Variants in KCNB2 observed in about 807,000 individuals in gnomAD.
The protein encoded by KCNB2 is delayed rectifier potassium channel protein.
KCNB2 carries 15 observed loss-of-function variants against 61.5 expected under a neutral mutation model. The observed-to-expected ratio is 0.24, with a 90% CI of 0.16 to 0.38. The LOEUF (loss-of-function observed/expected upper bound fraction) is 0.38. Ranked by LOEUF, KCNB2 falls within the 10% of genes least tolerant of loss-of-function variation. The pLI is 1.00. For synonymous variants in KCNB2, 457 were observed against 446.0 expected (o/e 1.02, Z -0.31); for missense variants, 828 against 1,125.2 (o/e 0.74, Z 3.78).
chr8:72,769,850 G>T (rs985955606), intron 2 of KCNB2, among the ~76,000 whole-genome samples: 1 of 152,172 alleles, frequency 6.6e-6, no homozygotes, highest in Admixed American at 6.5e-5. Flanking sequence ...CACTGACCAA[G>T]AATCATAGAA....
At chr8:72,599,044 T>C (rs1358175387) in intron 2 of KCNB2, among the ~76,000 whole-genome samples, 1 of 152,186 alleles carries the variant, frequency 6.6e-6, no homozygotes, top group Non-Finnish European at 1.5e-5. Context: ...ATAGATTCAA[T>C]GCCGTCCCCA....
At chr8:72,757,753 A>G (rs553854728) in intron 2 of KCNB2, among the ~76,000 whole-genome samples, 20 of 152,324 alleles carry the variant, frequency 1.3e-4, no homozygotes, top group African/African-American at 4.8e-4. Context: ...GGTTGGCACA[A>G]TGGGGGCTGA....
intron 2 of KCNB2, among the ~76,000 whole-genome samples, chr8:72,737,849 C>T (rs187164698): frequency 1.3e-5 from 2 of 152,104 alleles, no homozygotes; most frequent in East Asian, 1.9e-4. Flanking sequence ...TTTTCAGATT[C>T]CCTAGTTTTG....
chr8:72,678,145 A>T (rs774604156), intron 2 of KCNB2, among the ~76,000 whole-genome samples: 1 of 152,208 alleles, frequency 6.6e-6, no homozygotes, highest in Non-Finnish European at 1.5e-5. Context: ...CATCGATTAT[A>T]TGAGAAAATA....
At chr8:72,824,656 A>G (rs1291848088) in intron 2 of KCNB2, among the ~76,000 whole-genome samples, 1 of 152,184 alleles carries the variant, frequency 6.6e-6, no homozygotes, top group East Asian at 1.9e-4. Context: ...AACCAAAGCA[A>G]TGAGTCCGCC....
chr8:72,892,996 T>C (rs1585957392), intron 2 of KCNB2, among the ~76,000 whole-genome samples: 2 of 152,264 alleles, frequency 1.3e-5, no homozygotes, highest in Admixed American at 1.3e-4. Flanking sequence ...GATTTTGTCC[T>C]GGACTACTGC....
At chr8:72,684,100 G>T (rs1806808522) in intron 2 of KCNB2, among the ~76,000 whole-genome samples, 1 of 152,136 alleles carries the variant, frequency 6.6e-6, no homozygotes, top group South Asian at 2.1e-4. Flanking sequence ...CCTAAAAACG[G>T]CATCCTTGGA....
At chr8:72,854,963 G>T (rs1005683563) in intron 2 of KCNB2, among the ~76,000 whole-genome samples, 5 of 152,168 alleles carry the variant, frequency 3.3e-5, no homozygotes, top group Admixed American at 6.5e-5. Flanking sequence ...TGTATTTTGT[G>T]TCTTCCACAT....
At chr8:72,683,031 T>C (rs1563558383) in intron 2 of KCNB2, among the ~76,000 whole-genome samples, 1 of 152,226 alleles carries the variant, frequency 6.6e-6, no homozygotes, top group Non-Finnish European at 1.5e-5. Flanking sequence ...ATATAATATG[T>C]TAAGTGGAGA....
chr8:72,670,353 T>C (rs1291241685), intron 2 of KCNB2, among the ~76,000 whole-genome samples: 1 of 152,232 alleles, frequency 6.6e-6, no homozygotes, highest in Non-Finnish European at 1.5e-5. Context: ...AATAGATTAA[T>C]TCTGATAGAA....
chr8:72,765,671 T>G (rs935387971), intron 2 of KCNB2, among the ~76,000 whole-genome samples: 2 of 152,206 alleles, frequency 1.3e-5, no homozygotes, highest in African/African-American at 4.8e-5. Context: ...TATCAAATAA[T>G]CAATATACTG....
intron 2 of KCNB2, among the ~76,000 whole-genome samples, chr8:72,738,149 A>G (rs1216525103): frequency 1.3e-5 from 2 of 152,142 alleles, no homozygotes; most frequent in Admixed American, 1.3e-4. Flanking sequence ...GCTCTGTTAT[A>G]TGTAAGAATT....
chr8:72,598,847 A>G (rs1222380043), intron 2 of KCNB2, among the ~76,000 whole-genome samples: 1 of 152,232 alleles, frequency 6.6e-6, no homozygotes, highest in African/African-American at 2.4e-5. Flanking sequence ...CCCATTCACA[A>G]TTGCTTCAAA....
In KCNB2 at chr8:72,937,450, A is replaced by G; in HGVS notation, c.2095A>G (p.Ser699Gly). Reference protein sequence around the residue: ...SPLQSDNATDSPKSSLKGSNP... With the variant: ...SPLQSDNATDGPKSSLKGSNP... Reference sequence around the variant, plus strand: ...TTTGCAGTCTGACAATGCCACCGACAGTCCTAAGAGCTCTCTAAAAGGCAG... The same window carrying G: ...TTTGCAGTCTGACAATGCCACCGACGGTCCTAAGAGCTCTCTAAAAGGCAG... The change falls in exon 3 of 3, where the codon AGT becomes GGT. Residue 699 changes from serine to glycine, a missense_variant. Ser to Gly is a moderately conservative substitution (Grantham distance 56). Around this residue, in one of 4 missense-constraint regions of KCNB2, gnomAD observed 559 missense variants for 588.4 expected, o/e 0.95. Coordinates refer to ENST00000523207, the MANE Select transcript of KCNB2 (RefSeq NM_004770.3). 1.2e-6 allele frequency: 2 copies of G among 1,614,000 alleles called. No individual in the cohort carries two copies. Among genetic ancestry groups the G allele is most frequent in the Non-Finnish European group, 1.7e-6 (2 of 1,179,984 alleles).
intron 2 of KCNB2, among the ~76,000 whole-genome samples, chr8:72,869,545 TAAAC>T (rs200289368): frequency 0.02 from 3,070 of 151,748 alleles, 108 homozygotes; most frequent in African/African-American, 0.07. Context: ...ACAAAAGAAT[TAAAC>T]AGACAGTTCT....
chr8:72,932,008 G>T (rs558651354), intron 2 of KCNB2, among the ~76,000 whole-genome samples: 1 of 130,432 alleles, frequency 7.7e-6, no homozygotes, highest in Non-Finnish European at 1.6e-5. Context: ...GCCAGACACT[G>T]TCTCAAAAAC....
chr8:72,562,444 T>C (rs1806552526), intron 1 of KCNB2, among the ~76,000 whole-genome samples: 1 of 152,208 alleles, frequency 6.6e-6, no homozygotes. Flanking sequence ...GTTTATTGTT[T>C]ACAGAGCTGC....
chr8:72,744,307 C>A (rs1808020837), intron 2 of KCNB2, among the ~76,000 whole-genome samples: 1 of 152,146 alleles, frequency 6.6e-6, no homozygotes, highest in Non-Finnish European at 1.5e-5. Flanking sequence ...GAGTATTGTG[C>A]ATTTCCTAAA....
Position 72,684,269 on chromosome 8 carries a change from T to C in KCNB2, c.579+115956T>C, listed in dbSNP as rs571415701. Among the ~76,000 whole-genome samples the C allele has an allele frequency of 6.6e-5, 10 of 152,348 alleles. No individual in the cohort carries two copies. The East Asian group carries it at 1.9e-3, about 29-fold the overall frequency. On this transcript the variant is annotated intron_variant, in intron 2 of 2. Transcript: ENST00000523207. Reference sequence around the variant, plus strand: ...AATAGAAGAAATACAAAATAAGGTGTACCGTATCTGATTCATTGATCTGAT... The same window carrying C: ...AATAGAAGAAATACAAAATAAGGTGCACCGTATCTGATTCATTGATCTGAT...
Sources: gnomAD v4.1 joint callset for allele counts (sites outside exome capture counted in the v4.1 genomes callset) on GRCh38, gnomAD v4.1.1 for gene constraint, gnomAD v4.1.1 regional missense constraint, MANE v1.5 for transcripts, NCBI Gene and HGNC (gene_info 2026-07-23, HGNC 2026-07-21) for gene names.